FAT1: variants seen among roughly 807,000 people sequenced by gnomAD.
FAT1 encodes the protein FAT atypical cadherin 1.
A neutral mutation model predicts 329.8 loss-of-function variants in FAT1; 171 were observed. The observed-to-expected ratio is 0.52, with a 90% CI of 0.46 to 0.59. FAT1 has a LOEUF of 0.59. Ranked by LOEUF, FAT1 falls within the 20% of genes least tolerant of loss-of-function variation. The pLI is 0.00. For synonymous variants in FAT1, 2,233 were observed against 2,228.6 expected (o/e 1.00, Z -0.06); for missense variants, 5,672 against 5,774.4 (o/e 0.98, Z 0.57).
At position 186,651,146 on chromosome 4, in the gene FAT1, T is replaced by C. The variant is rs569526214; in HGVS notation, c.3581-11363A>G. Among the ~76,000 whole-genome samples, 7 of 147,986 alleles carry C rather than the reference T, an allele frequency of 4.7e-5. No individual in the cohort carries two copies. In the East Asian group the frequency reaches 1.4e-3, roughly 29 times the overall value. ...AACAAATAATTACTAAATTTATTTA[T>C]TAATAATAAATTTATTAATAATAAA... On this transcript the variant is annotated intron_variant, in intron 3 of 26. Coordinates refer to ENST00000441802, the MANE Select transcript of FAT1 (RefSeq NM_005245.4).
Position 186,605,547 on chromosome 4 carries a change from GA to G in FAT1, c.10350+522del, listed in dbSNP as rs1285052858. 8.2e-4 allele frequency among the ~76,000 whole-genome samples: 97 copies of G among 118,924 alleles called. 1 individual carries two copies. The highest frequency in any genetic ancestry group is 2.8e-3 in the African/African-American group (86 of 30,820). 78.0% of individuals were successfully genotyped at this position (118,924 alleles called of 152,430 possible). A position where few individuals can be genotyped will look rare whatever the true frequency, so the allele number is the denominator to read the frequency against. ...GAGTGGGGAGGAGGAAGAGAAGGAG[GA>G]GGAATGGAGAAGAGGTGGAGGGAGG... is the stretch of plus-strand genomic sequence containing the variant. On this transcript the variant is annotated intron_variant, in intron 17 of 26. Coordinates refer to ENST00000441802, the MANE Select transcript of FAT1 (RefSeq NM_005245.4).
chr4:186,633,329 C>T (rs1028294039), intron 7 of FAT1, among the ~76,000 whole-genome samples: 5 of 152,086 alleles, frequency 3.3e-5, no homozygotes. Context: ...TCACTTTAAC[C>T]AGTTTTACTG....
In FAT1 at chr4:186,659,760, C is replaced by G. The variant is rs72496343; in HGVS notation, c.3580+3539G>C. 0.013 allele frequency among the ~76,000 whole-genome samples: 1,855 copies of G among 145,196 alleles called. 77 individuals are homozygous for G. In the East Asian group the frequency reaches 0.13, roughly 10 times the overall value. On this transcript the variant is annotated intron_variant, in intron 3 of 26. Transcript: ENST00000441802. ...CTGTGGCACCTGTCCCCTGAACAACCCTGGGTGCTCCTGCACTTTACACAC... is the reference window on the plus strand; with the variant it reads ...CTGTGGCACCTGTCCCCTGAACAACGCTGGGTGCTCCTGCACTTTACACAC...
intron 4 of FAT1, among the ~76,000 whole-genome samples, chr4:186,638,617 A>G (rs2637778): frequency 1.6e-4 from 14 of 88,466 alleles, no homozygotes; most frequent in Middle Eastern, 5.4e-3. Flanking sequence ...TTCCCAATGC[A>G]CACACACACA....
intron 2 of FAT1, among the ~76,000 whole-genome samples, chr4:186,677,475 G>A (rs533298937): frequency 4.1e-5 from 6 of 147,988 alleles, no homozygotes; most frequent in African/African-American, 1.3e-4. Context: ...CATAACTCCC[G>A]TTTTCTAAAT....
Position 186,633,770 on chromosome 4 carries a change from C to T in FAT1, c.4237G>A (p.Val1413Ile), listed in dbSNP as rs961125425. 6.2e-7 allele frequency: 1 copy of T among 1,613,974 alleles called. No homozygotes were observed. Among genetic ancestry groups the T allele is most frequent in the Non-Finnish European group, 8.5e-7 (1 of 1,179,888 alleles). The change falls in exon 7 of 27, where the codon GTT becomes ATT. Residue 1413 changes from valine (V) to isoleucine (I), a missense_variant. Val to Ile is a conservative substitution (Grantham distance 29, BLOSUM62 3). Coordinates refer to ENST00000441802, the MANE Select transcript of FAT1 (RefSeq NM_005245.4). ...TGTTCTGCATCAAGAGGTTTGGCAACAATGATGGTTCCAGTTCCCTTGTCC... is the reference window on the plus strand; with the variant it reads ...TGTTCTGCATCAAGAGGTTTGGCAATAATGATGGTTCCAGTTCCCTTGTCC... ...DVDKGTGTII[V>I]AKPLDAEQKS...
At chr4:186,701,994 C>T (rs944183870) in intron 2 of FAT1, among the ~76,000 whole-genome samples, 2 of 99,198 alleles carry the variant, frequency 2.0e-5, no homozygotes, top group Non-Finnish European at 2.0e-5. Flanking sequence ...GGCCAGGAGC[C>T]GACCCCCACA....
At chr4:186,716,623 G>A (rs1464030924) in intron 1 of FAT1, among the ~76,000 whole-genome samples, 1 of 152,114 alleles carries the variant, frequency 6.6e-6, no homozygotes, top group South Asian at 2.1e-4. Context: ...TCACCATGTT[G>A]CCCAGGCTGG....
chr4:186,611,532 C>T lies in FAT1; in HGVS notation c.9707G>A (p.Gly3236Asp), dbSNP rs2126467871. ...NPPVFEYREYGATVSEDILVG... is the reference protein window; with the variant it reads ...NPPVFEYREYDATVSEDILVG... ...AAGAATGTCCTCAGACACGGTGGCACCATATTCACGGTACTCAAACACAGG... is the reference window on the plus strand; with the variant it reads ...AAGAATGTCCTCAGACACGGTGGCATCATATTCACGGTACTCAAACACAGG... The change falls in exon 14 of 27, where the codon GGT (glycine) becomes GAT (aspartate). Residue 3236 changes from glycine to aspartate, a missense_variant. This residue lies in a region of FAT1 where 1,706 missense variants were observed against 1,859.1 expected (regional missense o/e 0.92). Coordinates refer to ENST00000441802, the MANE Select transcript of FAT1 (RefSeq NM_005245.4). 6.2e-7 allele frequency: 1 copy of T among 1,613,918 alleles called. No individual in the cohort carries two copies.
At chr4:186,615,994 C>A (rs190666860) in intron 11 of FAT1, among the ~76,000 whole-genome samples, 36 of 152,214 alleles carry the variant, frequency 2.4e-4, no homozygotes, top group African/African-American at 7.5e-4. Flanking sequence ...CTCTTTGCCA[C>A]GGCCTTGGTC....
At chr4:186,690,346 A>G (rs1182308394) in intron 2 of FAT1, among the ~76,000 whole-genome samples, 4 of 152,226 alleles carry the variant, frequency 2.6e-5, no homozygotes, top group African/African-American at 9.6e-5. Context: ...AATTATAACC[A>G]AAGTGAATGA....
intron 4 of FAT1, 47 bp downstream of exon 4, chr4:186,639,675 C>T (rs780851179): frequency 7.9e-7 from 1 of 1,271,262 alleles, no homozygotes; most frequent in South Asian, 1.3e-5. Flanking sequence ...TCCCATGATA[C>T]TTGTAACTAC....
At chr4:186,723,472 C>T (rs910610884) in intron 1 of FAT1, among the ~76,000 whole-genome samples, 192 bp downstream of exon 1, 3 of 152,262 alleles carry the variant, frequency 2.0e-5, no homozygotes, top group Admixed American at 6.5e-5. Flanking sequence ...CCGCCGGGAC[C>T]CCCCTAGCCA....
intron 7 of FAT1, 54 bp from the exon 8 acceptor site, chr4:186,628,817 ATACT>A: frequency 6.5e-7 from 1 of 1,533,366 alleles, no homozygotes; most frequent in South Asian, 1.2e-5. Context: ...GAATGTTTTA[ATACT>A]TAAAGAACCA....
intron 1 of FAT1, among the ~76,000 whole-genome samples, chr4:186,720,179 TC>T (rs1579510948): frequency 1.3e-5 from 2 of 152,306 alleles, no homozygotes; most frequent in East Asian, 3.9e-4. Context: ...CTTGACCTCT[TC>T]CCTTCCGAAA....
intron 3 of FAT1, among the ~76,000 whole-genome samples, chr4:186,653,854 GC>G: frequency 6.6e-6 from 1 of 152,222 alleles, no homozygotes; most frequent in South Asian, 2.1e-4. Flanking sequence ...GCCCCGTGTG[GC>G]CCTTTATAGA....
chr4:186,599,126 C>G (rs1447273437), intron 22 of FAT1, among the ~76,000 whole-genome samples: 1 of 152,196 alleles, frequency 6.6e-6, no homozygotes, highest in Non-Finnish European at 1.5e-5. Flanking sequence ...TCCTTGCTAA[C>G]CTGGTTTGGA....
chr4:186,601,098 C>G (rs1231425593), intron 21 of FAT1, among the ~76,000 whole-genome samples, 171 bp downstream of exon 21: 1 of 152,232 alleles, frequency 6.6e-6, no homozygotes, highest in Admixed American at 6.5e-5. Context: ...GCAAAAAGAG[C>G]TCTTCATCCC....
chr4:186,718,738 T>C (rs1745332610), intron 1 of FAT1, among the ~76,000 whole-genome samples: 1 of 152,154 alleles, frequency 6.6e-6, no homozygotes. Flanking sequence ...AACACTCTTA[T>C]TCTTCTCTTT....
Sources: gnomAD v4.1 joint callset for allele counts (sites outside exome capture counted in the v4.1 genomes callset) on GRCh38, gnomAD v4.1.1 for gene constraint, gnomAD v4.1.1 regional missense constraint, MANE v1.5 for transcripts, NCBI Gene and HGNC (gene_info 2026-07-23, HGNC 2026-07-21) for gene names.